LINGO2: variants seen among roughly 807,000 people sequenced by gnomAD.
LINGO2 encodes the protein leucine-rich repeat and immunoglobulin-like domain-containing nogo receptor-interacting protein 2.
In LINGO2, 14 loss-of-function variants were observed where a neutral mutation model predicts 30.6. The observed-to-expected ratio is 0.46, with a 90% CI of 0.30 to 0.72. The LOEUF (loss-of-function observed/expected upper bound fraction) is 0.72, where lower values mean the gene tolerates loss of function less well. Among genes scored for constraint, LINGO2 ranks in the 30% least tolerant of loss-of-function variants. The pLI is 0.07. For synonymous variants in LINGO2, 317 were observed against 288.5 expected (o/e 1.10, Z -1.00); for missense variants, 729 against 751.7 (o/e 0.97, Z 0.35).
chr9:28,043,149 G>A (rs1451321744), intron 4 of LINGO2, among the ~76,000 whole-genome samples: 2 of 152,194 alleles, frequency 1.3e-5, no homozygotes, highest in East Asian at 3.9e-4. Flanking sequence ...GGTAGAAGAT[G>A]TCAGTGTGTG....
intron 2 of LINGO2, among the ~76,000 whole-genome samples, chr9:28,377,225 T>C (rs1007196937): frequency 1.0e-3 from 158 of 152,278 alleles, no homozygotes; most frequent in African/African-American, 3.5e-3. Context: ...GCCTCTGCCA[T>C]GCCCGAGAGA....
the LINGO2 span, among the ~76,000 whole-genome samples, chr9:28,918,082 C>G: frequency 4.6e-5 from 7 of 150,818 alleles, no homozygotes; most frequent in South Asian, 1.2e-3. Flanking sequence ...AGTCCATTTT[C>G]ATGCTGCTGA....
chr9:28,869,707 T>C, the LINGO2 span, among the ~76,000 whole-genome samples: 2 of 151,958 alleles, frequency 1.3e-5, no homozygotes, highest in Non-Finnish European at 2.9e-5. Flanking sequence ...AGGTGATCAA[T>C]AGGTCCAAAA....
At chr9:29,021,102 A>C in the LINGO2 span, among the ~76,000 whole-genome samples, 1 of 152,116 alleles carries the variant, frequency 6.6e-6, no homozygotes, top group African/African-American at 2.4e-5. Context: ...TTTTGGTGAA[A>C]CACTGATTCA....
At position 28,091,199 on chromosome 9, in the gene LINGO2, A is replaced by T. The variant is rs140246071; in HGVS notation, c.-86-78794T>A. On this transcript the variant is annotated intron_variant, in intron 4 of 5. Coordinates refer to ENST00000379992, the Ensembl canonical transcript of LINGO2. ...AAGCTTCCAATGACTTTCTTCACAG[A>T]ATTGGAAAAAACTACTTTAAAGTTC... Among the ~76,000 whole-genome samples, 241 of 152,080 alleles carry T rather than the reference A, an allele frequency of 1.6e-3. 3 individuals are homozygous for T. The highest frequency in any genetic ancestry group is 5.8e-3 in the African/African-American group (238 of 41,326).
the LINGO2 span, among the ~76,000 whole-genome samples, chr9:28,830,032 C>A: frequency 1.1e-4 from 16 of 152,272 alleles, no homozygotes; most frequent in Middle Eastern, 3.4e-3. Context: ...AGACAGATTT[C>A]TGGACATCAG....
downstream of LINGO2, among the ~76,000 whole-genome samples, chr9:27,944,767 G>A (rs184774419): frequency 6.6e-6 from 1 of 152,124 alleles, no homozygotes; most frequent in African/African-American, 2.4e-5. Flanking sequence ...TGAGTAGAAT[G>A]AATGCCTTTG....
intron 4 of LINGO2, among the ~76,000 whole-genome samples, chr9:28,106,994 A>G (rs1471472482): frequency 6.6e-6 from 1 of 152,084 alleles, no homozygotes. Context: ...GTGTTTCTTT[A>G]CCTAGAATGC....
At chr9:28,028,724 AT>A (rs1823511563) in intron 4 of LINGO2, among the ~76,000 whole-genome samples, 1 of 152,134 alleles carries the variant, frequency 6.6e-6, no homozygotes, top group African/African-American at 2.4e-5. Flanking sequence ...GCAAATTGTT[AT>A]ATTGTATTTG....
At chr9:28,979,210 T>A in the LINGO2 span, among the ~76,000 whole-genome samples, 2 of 152,082 alleles carry the variant, frequency 1.3e-5, no homozygotes, top group Admixed American at 6.6e-5. Flanking sequence ...TTTTAACTTA[T>A]GGGCAAAATT....
the LINGO2 span, chr9:27,940,044 G>T: frequency 1.3e-5 from 2 of 152,164 alleles, no homozygotes; most frequent in African/African-American, 4.8e-5. Context: ...CTGAGACCCT[G>T]ACTCTGGTGA....
intron 3 of LINGO2, among the ~76,000 whole-genome samples, chr9:28,360,688 A>T (rs1820405062): frequency 6.6e-6 from 1 of 152,160 alleles, no homozygotes; most frequent in Non-Finnish European, 1.5e-5. Flanking sequence ...GCCTATGATA[A>T]TGTTTAATTG....
chr9:28,813,207 C>T, the LINGO2 span, among the ~76,000 whole-genome samples: 2 of 151,126 alleles, frequency 1.3e-5, no homozygotes, highest in Admixed American at 1.3e-4. Flanking sequence ...AGTAGCCCAG[C>T]CCCCCCCAAT....
chr9:29,035,899 A>G, the LINGO2 span, among the ~76,000 whole-genome samples: 1 of 152,016 alleles, frequency 6.6e-6, no homozygotes, highest in East Asian at 1.9e-4. Flanking sequence ...CATATACACT[A>G]AGAAGAGGGA....
the LINGO2 span, among the ~76,000 whole-genome samples, chr9:28,856,897 A>T: frequency 6.6e-6 from 1 of 152,028 alleles, no homozygotes; most frequent in African/African-American, 2.4e-5. Flanking sequence ...TGGATTTAAG[A>T]TATGTAGTAA....
chr9:28,320,508 A>G (rs989480740), intron 3 of LINGO2, among the ~76,000 whole-genome samples: 3 of 152,152 alleles, frequency 2.0e-5, no homozygotes, highest in Non-Finnish European at 2.9e-5. Context: ...CTCTGGAGAA[A>G]TAGTTATATG....
the LINGO2 span, among the ~76,000 whole-genome samples, chr9:28,734,898 A>G: frequency 6.6e-6 from 1 of 152,170 alleles, no homozygotes; most frequent in African/African-American, 2.4e-5. Flanking sequence ...GACACAGTAT[A>G]TGCTTCTTTT....
intron 1 of LINGO2, among the ~76,000 whole-genome samples, chr9:28,480,008 C>A (rs1825896616): frequency 7.2e-6 from 1 of 139,602 alleles, no homozygotes; most frequent in Admixed American, 7.6e-5. Context: ...AAAATTTCAA[C>A]CACCATAATA....
At position 28,522,766 on chromosome 9, in the gene LINGO2, C is replaced by T. The variant is rs182605544; in HGVS notation, c.-364-46741G>A. ...CTACAGAGCATTCGAAATTTGTAAC[C>T]CAATATTCCATCACAAATTATAAAT... is the stretch of plus-strand genomic sequence containing the variant. On this transcript the variant is annotated intron_variant, in intron 1 of 5. Transcript: ENST00000379992. Among the ~76,000 whole-genome samples, 1,199 of 151,412 alleles carry T rather than the reference C, an allele frequency of 7.9e-3. 12 individuals are homozygous for T. The highest frequency in any genetic ancestry group is 0.017 in the Middle Eastern group (5 of 286).
Sources: gnomAD v4.1 joint callset for allele counts (sites outside exome capture counted in the v4.1 genomes callset) on GRCh38, gnomAD v4.1.1 for gene constraint, MANE v1.5 for transcripts, NCBI Gene and HGNC (gene_info 2026-07-23, HGNC 2026-07-21) for gene names.